ARHGAP24: variants seen among roughly 807,000 people sequenced by gnomAD.
The protein encoded by ARHGAP24 is rho GTPase-activating protein 24.
Under a neutral mutation model 76.4 loss-of-function variants are expected in ARHGAP24, and 50 were observed. The observed-to-expected ratio is 0.65, with a 90% CI of 0.52 to 0.83. The LOEUF (loss-of-function observed/expected upper bound fraction) is 0.83. Among genes scored for constraint, ARHGAP24 ranks in the 40% least tolerant of loss-of-function variants. ARHGAP24 has a pLI of 0.00. For missense variants in ARHGAP24, 930 were observed against 914.2 expected (o/e 1.02, Z -0.22); for synonymous variants, 345 against 323.3 (o/e 1.07, Z -0.72).
intron 5 of ARHGAP24, among the ~76,000 whole-genome samples, chr4:85,945,931 T>C (rs1436194989): frequency 2.0e-5 from 3 of 152,152 alleles, no homozygotes; most frequent in Non-Finnish European, 2.9e-5. Flanking sequence ...TATCTGAGAC[T>C]GGGTAATTTA....
At chr4:85,532,160 AAC>A (rs2110117247) in intron 1 of ARHGAP24, among the ~76,000 whole-genome samples, 1 of 152,276 alleles carries the variant, frequency 6.6e-6, no homozygotes, top group Non-Finnish European at 1.5e-5. Context: ...ATGTGACATA[AAC>A]TGTGATCTAA....
At chr4:85,550,285 A>G (rs1224339115) in intron 1 of ARHGAP24, among the ~76,000 whole-genome samples, 1 of 152,152 alleles carries the variant, frequency 6.6e-6, no homozygotes, top group African/African-American at 2.4e-5. Flanking sequence ...TAATCCCAGC[A>G]CATTTATTGA....
intron 8 of ARHGAP24, among the ~76,000 whole-genome samples, chr4:85,984,891 C>T (rs1213911321): frequency 2.6e-5 from 4 of 152,058 alleles, no homozygotes; most frequent in Non-Finnish European, 5.9e-5. Flanking sequence ...GGTGCAATCT[C>T]GGACACAGCA....
chr4:85,655,846 CAG>C (rs141056476), intron 2 of ARHGAP24, among the ~76,000 whole-genome samples: 37,985 of 91,488 alleles, frequency 0.42, 7,230 homozygotes, highest in East Asian at 0.82. Context: ...GAGAGAGAGA[CAG>C]AGAGGAAGTT....
intron 2 of ARHGAP24, among the ~76,000 whole-genome samples, chr4:85,674,451 T>G (rs1343555552): frequency 6.6e-6 from 1 of 152,236 alleles, no homozygotes; most frequent in Admixed American, 6.5e-5. Context: ...AAAATCTTTT[T>G]GATATATGGT....
At chr4:85,677,075 A>G (rs185726343) in intron 2 of ARHGAP24, among the ~76,000 whole-genome samples, 1 of 152,322 alleles carries the variant, frequency 6.6e-6, no homozygotes, top group Admixed American at 6.5e-5. Flanking sequence ...ACAGGCTTTT[A>G]TACAACAAGA....
At position 85,888,622 on chromosome 4, in the gene ARHGAP24, A is replaced by T. The variant is rs12505799; in HGVS notation, c.269-35026A>T. On this transcript the variant is annotated intron_variant, in intron 3 of 9. Coordinates refer to ENST00000395184, the MANE Select transcript of ARHGAP24 (RefSeq NM_001025616.3). ...CACCAAATTGTTTTTCTTTTTTTTA[A>T]AAAAAACTTTAGTTTTAAGTTCAGG... is the stretch of plus-strand genomic sequence containing the variant. Among the ~76,000 whole-genome samples the T allele has an allele frequency of 1.9e-4, 29 of 152,000 alleles. 1 individual carries two copies. Among genetic ancestry groups the T allele is most frequent in the East Asian group, 1.2e-3 (6 of 5,170 alleles).
intron 3 of ARHGAP24, among the ~76,000 whole-genome samples, chr4:85,824,082 G>A (rs1378508486): frequency 6.6e-6 from 1 of 152,114 alleles, no homozygotes; most frequent in African/African-American, 2.4e-5. Flanking sequence ...CTCAGAAGGT[G>A]TTTAATTTCA....
intron 3 of ARHGAP24, among the ~76,000 whole-genome samples, chr4:85,790,807 C>A (rs1728084125): frequency 6.6e-6 from 1 of 152,148 alleles, no homozygotes; most frequent in Admixed American, 6.5e-5. Context: ...AGTATATGCT[C>A]TTGTCTCTAC....
At chr4:85,968,652 C>T (rs1184913244) in intron 5 of ARHGAP24, among the ~76,000 whole-genome samples, 1 of 152,010 alleles carries the variant, frequency 6.6e-6, no homozygotes, top group Non-Finnish European at 1.5e-5. Flanking sequence ...ACAATTAGGA[C>T]ATGTGACTGA....
At chr4:85,660,641 C>A (rs774365809) in intron 2 of ARHGAP24, among the ~76,000 whole-genome samples, 6 of 151,716 alleles carry the variant, frequency 4.0e-5, no homozygotes, top group Non-Finnish European at 8.8e-5. Context: ...ACTAAAAATG[C>A]AGAAATTAGC....
chr4:85,633,245 G>T (rs1721215089), intron 2 of ARHGAP24, among the ~76,000 whole-genome samples: 1 of 151,734 alleles, frequency 6.6e-6, no homozygotes, highest in Admixed American at 6.6e-5. Context: ...TGTATCTTAT[G>T]GGTTATCTGT....
At chr4:85,585,872 A>G (rs1329389849) in intron 2 of ARHGAP24, among the ~76,000 whole-genome samples, 1 of 152,110 alleles carries the variant, frequency 6.6e-6, no homozygotes, top group African/African-American at 2.4e-5. Flanking sequence ...AAAAGTGCCA[A>G]TTATCTCTTT....
intron 2 of ARHGAP24, among the ~76,000 whole-genome samples, chr4:85,663,436 C>T (rs1471407511): frequency 6.7e-6 from 1 of 148,756 alleles, no homozygotes; most frequent in Non-Finnish European, 1.5e-5. Context: ...AATGGGGTTT[C>T]CTAGATATAC....
chr4:85,684,960 C>T (rs565220616), intron 2 of ARHGAP24, among the ~76,000 whole-genome samples: 2 of 152,178 alleles, frequency 1.3e-5, no homozygotes, highest in African/African-American at 2.4e-5. Context: ...GGCAGTGTTT[C>T]GGATATGCTA....
At chr4:85,750,017 G>A (rs1726199073) in intron 3 of ARHGAP24, among the ~76,000 whole-genome samples, 1 of 152,118 alleles carries the variant, frequency 6.6e-6, no homozygotes, top group African/African-American at 2.4e-5. Context: ...ACTGCATGCA[G>A]ACAGACATCC....
At chr4:85,809,315 A>G (rs2110111331) in intron 3 of ARHGAP24, among the ~76,000 whole-genome samples, 1 of 152,334 alleles carries the variant, frequency 6.6e-6, no homozygotes, top group East Asian at 1.9e-4. Flanking sequence ...AAATAGATGG[A>G]GAATAAATAT....
At chr4:85,636,663 A>G (rs1008951636) in intron 2 of ARHGAP24, among the ~76,000 whole-genome samples, 12 of 151,960 alleles carry the variant, frequency 7.9e-5, no homozygotes, top group Non-Finnish European at 1.6e-4. Context: ...CCCTCTGAAA[A>G]TGCGGTGGAA....
rs1199796194 is a variant in ARHGAP24, at chr4:85,973,833, G to GTTTTTTTTTTTTTTTT, written c.733-1043_733-1028dup. 1.9e-4 allele frequency among the ~76,000 whole-genome samples: 8 copies of GTTTTTTTTTTTTTTTT among 42,824 alleles called. 2 individuals carry two copies. The highest frequency in any genetic ancestry group is 7.3e-4 in the African/African-American group (7 of 9,526). 28.1% of individuals were successfully genotyped at this position (42,824 alleles called of 152,430 possible). ...CTCATGTCAAAAACTGCTGCCTATT[G>GTTTTTTTTTTTTTTTT]TTTTTTTTTTTTTTTTTTTTTTTTT... On this transcript the variant is annotated intron_variant, in intron 6 of 9. Coordinates refer to ENST00000395184, the MANE Select transcript of ARHGAP24 (RefSeq NM_001025616.3).
Sources: allele counts gnomAD v4.1 joint callset (sites outside exome capture counted in the v4.1 genomes callset), GRCh38; gene constraint gnomAD v4.1.1; transcripts MANE v1.5; gene names NCBI Gene and HGNC (gene_info 2026-07-23, HGNC 2026-07-21).